ERC2: variants seen among roughly 807,000 people sequenced by gnomAD.
The protein encoded by ERC2 is ERC protein 2.
In ERC2, 42 loss-of-function variants were observed where a neutral mutation model predicts 114.8. That is an observed-to-expected ratio of 0.37 (90% CI 0.29 to 0.47). The LOEUF is 0.47. Ranked by LOEUF, ERC2 falls within the 20% of genes least tolerant of loss-of-function variation. The pLI, the probability that ERC2 is intolerant of heterozygous loss-of-function variation, is 0.99. For missense variants in ERC2, 939 were observed against 1,150.7 expected (o/e 0.82, Z 2.66); for synonymous variants, 454 against 425.5 (o/e 1.07, Z -0.82).
At chr3:55,905,751 T>C (rs916193253) in intron 13 of ERC2, among the ~76,000 whole-genome samples, 1 of 152,146 alleles carries the variant, frequency 6.6e-6, no homozygotes, top group Admixed American at 6.5e-5. Flanking sequence ...ACCCTTGCCT[T>C]GTAGAATCTG....
intron 14 of ERC2, among the ~76,000 whole-genome samples, chr3:55,738,098 A>G (rs893536888): frequency 6.6e-6 from 1 of 152,158 alleles, no homozygotes; most frequent in Non-Finnish European, 1.5e-5. Context: ...CATGAGCAAT[A>G]AAGTCCTTTA....
At chr3:56,174,571 T>A (rs575955266) in intron 3 of ERC2, among the ~76,000 whole-genome samples, 55 of 152,270 alleles carry the variant, frequency 3.6e-4, no homozygotes, top group South Asian at 1.9e-3. Flanking sequence ...TTACTTTTTT[T>A]AAAAAAGGAG....
intron 1 of ERC2, among the ~76,000 whole-genome samples, chr3:56,440,402 G>T (rs1428667712): frequency 1.3e-5 from 2 of 152,156 alleles, no homozygotes; most frequent in Admixed American, 1.3e-4. Context: ...CAAAAAATTA[G>T]CCAGGCGTGG....
chr3:55,522,675 C>T (rs2053041049), intron 17 of ERC2, among the ~76,000 whole-genome samples: 1 of 152,202 alleles, frequency 6.6e-6, no homozygotes, highest in African/African-American at 2.4e-5. Context: ...ATGCCAAAGC[C>T]TGCCCTTGTA....
chr3:55,553,530 C>CA (rs2055376028), intron 17 of ERC2, among the ~76,000 whole-genome samples: 1 of 151,972 alleles, frequency 6.6e-6, no homozygotes, highest in South Asian at 2.1e-4. Flanking sequence ...CCTGTAATCC[C>CA]AGCACTTTGG....
At chr3:56,119,497 C>G (rs1028424908) in intron 6 of ERC2, among the ~76,000 whole-genome samples, 1 of 152,194 alleles carries the variant, frequency 6.6e-6, no homozygotes, top group Non-Finnish European at 1.5e-5. Context: ...TTTCAGATCA[C>G]AGATTAAGCA....
chr3:56,310,148 T>C (rs1366755836), intron 2 of ERC2, among the ~76,000 whole-genome samples: 2 of 152,132 alleles, frequency 1.3e-5, no homozygotes, highest in African/African-American at 2.4e-5. Flanking sequence ...CACAACCAAC[T>C]AAAGGATAAT....
At chr3:55,790,343 C>T (rs1451332074) in intron 14 of ERC2, among the ~76,000 whole-genome samples, 2 of 152,310 alleles carry the variant, frequency 1.3e-5, no homozygotes, top group Admixed American at 6.5e-5. Flanking sequence ...CCGAGGGCCC[C>T]TCTATTCTCC....
intron 6 of ERC2, among the ~76,000 whole-genome samples, chr3:56,108,097 C>A (rs371064752): frequency 1.3e-5 from 2 of 152,132 alleles, no homozygotes; most frequent in East Asian, 1.9e-4. Flanking sequence ...GCCTAAGACA[C>A]TTTATTAACA....
chr3:56,189,177 G>A (rs1299719712), intron 3 of ERC2, among the ~76,000 whole-genome samples: 1 of 152,228 alleles, frequency 6.6e-6, no homozygotes, highest in African/African-American at 2.4e-5. Context: ...GCTTTTGACA[G>A]CTACACAGCA....
intron 17 of ERC2, among the ~76,000 whole-genome samples, chr3:55,529,343 A>G (rs1434868792): frequency 6.6e-6 from 1 of 152,246 alleles, no homozygotes; most frequent in Non-Finnish European, 1.5e-5. Context: ...TATGGAGCAC[A>G]GTTCACGTTT....
At chr3:55,575,985 A>C (rs532579884) in intron 17 of ERC2, among the ~76,000 whole-genome samples, 16 of 152,310 alleles carry the variant, frequency 1.1e-4, no homozygotes, top group African/African-American at 2.4e-4. Context: ...TCACACAGTT[A>C]GTTTATAACT....
At chr3:55,852,179 C>A in intron 14 of ERC2, among the ~76,000 whole-genome samples, 1 of 152,146 alleles carries the variant, frequency 6.6e-6, no homozygotes, top group South Asian at 2.1e-4. Flanking sequence ...GAGATCGCAC[C>A]ACTACACTCC....
At chr3:56,402,495 C>T (rs965115964) in intron 2 of ERC2, among the ~76,000 whole-genome samples, 2 of 152,106 alleles carry the variant, frequency 1.3e-5, no homozygotes, top group African/African-American at 4.8e-5. Flanking sequence ...TCAAGTCCCG[C>T]CTCCTATCTC....
intron 15 of ERC2, among the ~76,000 whole-genome samples, chr3:55,729,133 G>C (rs951404457): frequency 2.6e-5 from 4 of 152,184 alleles, no homozygotes; most frequent in African/African-American, 9.7e-5. Context: ...CAGAAGTTCT[G>C]CCTCAGAATA....
intron 2 of ERC2, among the ~76,000 whole-genome samples, chr3:56,373,707 A>G (rs1211949141): frequency 1.3e-5 from 2 of 152,388 alleles, no homozygotes; most frequent in East Asian, 3.9e-4. Context: ...CCATTGTAGC[A>G]CAAAAGCAGC....
At chr3:55,886,363 C>G (rs2063346661) in intron 14 of ERC2, among the ~76,000 whole-genome samples, 1 of 152,082 alleles carries the variant, frequency 6.6e-6, no homozygotes, top group African/African-American at 2.4e-5. Flanking sequence ...AAAATCAAAT[C>G]CAAAATGAAG....
intron 3 of ERC2, among the ~76,000 whole-genome samples, chr3:56,219,198 T>C (rs535810427): frequency 3.0e-4 from 45 of 152,274 alleles, no homozygotes; most frequent in East Asian, 1.4e-3. Flanking sequence ...GCTTGGGTGA[T>C]GGATGCACCA....
intron 4 of ERC2, among the ~76,000 whole-genome samples, chr3:56,169,418 G>C (rs1288183805): frequency 6.6e-6 from 1 of 152,140 alleles, no homozygotes; most frequent in African/African-American, 2.4e-5. Context: ...TGTCATCTCA[G>C]TAATTATTAT....
Sources: gnomAD v4.1 joint callset for allele counts (sites outside exome capture counted in the v4.1 genomes callset) on GRCh38, gnomAD v4.1.1 for gene constraint, MANE v1.5 for transcripts, NCBI Gene and HGNC (gene_info 2026-07-23, HGNC 2026-07-21) for gene names.